THSD7A: variants seen among roughly 807,000 people sequenced by gnomAD.
THSD7A encodes thrombospondin type 1 domain containing 7A, also known as thrombospondin type-1 domain-containing protein 7A.
In THSD7A, 96 loss-of-function variants were observed where a neutral mutation model predicts 231.3. That is an observed-to-expected ratio of 0.41 (90% CI 0.35 to 0.49). The LOEUF (loss-of-function observed/expected upper bound fraction) is 0.49. Among genes scored for constraint, THSD7A ranks in the 20% least tolerant of loss-of-function variants. The probability of loss-of-function intolerance (pLI) is 0.05; values close to 1 mark genes in which losing one functional copy is unlikely to be tolerated. For synonymous variants in THSD7A, 940 were observed against 743.3 expected (o/e 1.26, Z -4.30); for missense variants, 2,290 against 2,070.2 (o/e 1.11, Z -2.06).
chr7:11,463,897 C>G (rs991537385), intron 9 of THSD7A, among the ~76,000 whole-genome samples: 5 of 152,062 alleles, frequency 3.3e-5, no homozygotes, highest in African/African-American at 1.2e-4. Flanking sequence ...GTGATAAATT[C>G]CTTTAATAAT....
chr7:11,484,217 C>G lies in THSD7A; in HGVS notation c.1823-2235G>C, dbSNP rs191164294. ...GAATGATTTCTGTACCATCCCCAAC[C>G]CTTCCAGGTATGATCTTGTCCCTTT... On this transcript the variant is annotated intron_variant, in intron 6 of 27. Transcript: ENST00000423059. Among the ~76,000 whole-genome samples, 14 of 152,196 alleles carry G rather than the reference C, an allele frequency of 9.2e-5. No homozygotes were observed. The East Asian group carries it at 9.7e-4, about 11-fold the overall frequency.
chr7:11,820,338 A>G, intron 1 of THSD7A: 1 of 953,724 alleles, frequency 1.0e-6, no homozygotes, highest in Non-Finnish European at 1.5e-6. Flanking sequence ...TGGGCTGTAA[A>G]TTGTCCTTCT....
At chr7:11,753,851 G>A (rs935942050) in intron 1 of THSD7A, among the ~76,000 whole-genome samples, 9 of 151,828 alleles carry the variant, frequency 5.9e-5, no homozygotes, top group South Asian at 2.1e-4. Flanking sequence ...AAGAATTATC[G>A]TCAGTAATTT....
chr7:11,791,676 G>T (rs1783955997), intron 1 of THSD7A, among the ~76,000 whole-genome samples: 1 of 151,896 alleles, frequency 6.6e-6, no homozygotes, highest in Non-Finnish European at 1.5e-5. Flanking sequence ...AACCTATCTA[G>T]TGTAGTTCTT....
intron 24 of THSD7A, among the ~76,000 whole-genome samples, chr7:11,382,184 T>C (rs1200159712): frequency 2.0e-5 from 3 of 152,156 alleles, no homozygotes; most frequent in Non-Finnish European, 2.9e-5. Flanking sequence ...GTCAAAAAAA[T>C]TGATTTTTAA....
chr7:11,782,821 T>C (rs1477631145), intron 1 of THSD7A, among the ~76,000 whole-genome samples: 1 of 152,164 alleles, frequency 6.6e-6, no homozygotes, highest in Non-Finnish European at 1.5e-5. Context: ...TTTTTCAAAT[T>C]ATTTTGGAAT....
At chr7:11,569,584 T>C (rs1790533666) in intron 4 of THSD7A, among the ~76,000 whole-genome samples, 1 of 152,214 alleles carries the variant, frequency 6.6e-6, no homozygotes, top group South Asian at 2.1e-4. Flanking sequence ...GGTAGGAATG[T>C]AAATTAGTGA....
chr7:11,460,614 T>G (rs769263166), intron 11 of THSD7A, 48 bp downstream of exon 11: 1 of 1,488,616 alleles, frequency 6.7e-7, no homozygotes, highest in Non-Finnish European at 9.2e-7. Context: ...AAAACAGTAG[T>G]TAAACTAGCG....
intron 11 of THSD7A, among the ~76,000 whole-genome samples, chr7:11,451,131 G>A (rs781045822): frequency 1.3e-5 from 2 of 151,944 alleles, no homozygotes; most frequent in African/African-American, 4.8e-5. Flanking sequence ...ATGCTGTAAA[G>A]ATAAATAAGA....
chr7:11,653,915 GAATT>G (rs1336223137), intron 1 of THSD7A, among the ~76,000 whole-genome samples: 1 of 151,748 alleles, frequency 6.6e-6, no homozygotes, highest in African/African-American at 2.4e-5. Flanking sequence ...GCATTCACTT[GAATT>G]AATAGTTTAT....
rs2115302867 is a variant in THSD7A at position 11,382,607 on chromosome 7, C to T, written c.4421G>A (p.Cys1474Tyr). Residue 1474 changes from cysteine (C) to tyrosine (Y), a missense_variant, in exon 24 of 28, where the codon TGC becomes TAC. By Grantham distance (194) the Cys-to-Tyr change is radical (BLOSUM62 -2). Coordinates refer to ENST00000423059, the MANE Select transcript of THSD7A (RefSeq NM_015204.3). ...LETKSCYDGQ[C>Y]YEYKWMASAW... is the part of the protein sequence containing the mutation. ...ACTGGCCATCCATTTATATTCATAG[C>T]ACTGTCCATCTGCAGGGAAATAATA... The T allele has an allele frequency of 6.2e-7, 1 of 1,611,954 alleles. No individual in the cohort carries two copies.
chr7:11,491,945 A>G (rs1200785504), intron 6 of THSD7A, among the ~76,000 whole-genome samples: 1 of 151,770 alleles, frequency 6.6e-6, no homozygotes, highest in Non-Finnish European at 1.5e-5. Flanking sequence ...GTTATCTCAC[A>G]CTTTTTTCTC....
intron 6 of THSD7A, among the ~76,000 whole-genome samples, chr7:11,510,185 A>C (rs1431352531): frequency 6.6e-6 from 1 of 152,218 alleles, no homozygotes; most frequent in East Asian, 1.9e-4. Flanking sequence ...AAACTGTTTT[A>C]AATTCCTGGA....
intron 1 of THSD7A, among the ~76,000 whole-genome samples, chr7:11,668,984 T>C (rs1783267248): frequency 6.6e-6 from 1 of 152,172 alleles, no homozygotes; most frequent in South Asian, 2.1e-4. Flanking sequence ...AGTGTGCTGT[T>C]GGCTATTACA....
intron 1 of THSD7A, among the ~76,000 whole-genome samples, chr7:11,716,152 T>C (rs1340709406): frequency 6.6e-6 from 1 of 151,502 alleles, no homozygotes; most frequent in East Asian, 2.0e-4. Flanking sequence ...TTCCATTTTT[T>C]CCCTAAAATT....
chr7:11,587,490 T>A (rs1342987156), intron 4 of THSD7A, among the ~76,000 whole-genome samples: 1 of 152,160 alleles, frequency 6.6e-6, no homozygotes, highest in Non-Finnish European at 1.5e-5. Context: ...CACTCTCCAA[T>A]ATTGATGAGA....
chr7:11,755,350 A>G (rs1455914135), intron 1 of THSD7A, among the ~76,000 whole-genome samples: 1 of 152,150 alleles, frequency 6.6e-6, no homozygotes, highest in Non-Finnish European at 1.5e-5. Flanking sequence ...AATTAAAAGC[A>G]TGAATATGCA....
intron 2 of THSD7A, 49 bp from the exon 3 acceptor site, chr7:11,593,551 A>C (rs1307359085): frequency 6.3e-7 from 1 of 1,590,842 alleles, no homozygotes; most frequent in East Asian, 2.2e-5. Context: ...GGCAGTTATG[A>C]ACTTTGTCTT....
intron 1 of THSD7A, among the ~76,000 whole-genome samples, chr7:11,753,157 C>T (rs1782560522): frequency 6.6e-6 from 1 of 151,978 alleles, no homozygotes; most frequent in South Asian, 2.1e-4. Context: ...ACTGCATCTT[C>T]AATTACAGAA....
Sources: allele counts gnomAD v4.1 joint callset (sites outside exome capture counted in the v4.1 genomes callset), GRCh38; gene constraint gnomAD v4.1.1; transcripts MANE v1.5; gene names NCBI Gene and HGNC (gene_info 2026-07-23, HGNC 2026-07-21).